CNTN6: variants seen among roughly 807,000 people sequenced by gnomAD.
The protein encoded by CNTN6 is contactin-6.
A neutral mutation model predicts 122.8 loss-of-function variants in CNTN6; 137 were observed. The observed-to-expected ratio is 1.12, with a 90% CI of 0.97 to 1.29. The LOEUF is 1.29. Among genes scored for constraint, CNTN6 ranks in the 50% most tolerant of loss-of-function variants. CNTN6 has a pLI of 0.00. For synonymous variants in CNTN6, 570 were observed against 426.0 expected (o/e 1.34, Z -4.16); for missense variants, 1,634 against 1,223.4 (o/e 1.34, Z -5.01).
chr3:1,217,662 A>C (rs1447734479), intron 2 of CNTN6, among the ~76,000 whole-genome samples: 2 of 152,226 alleles, frequency 1.3e-5, no homozygotes, highest in Non-Finnish European at 2.9e-5. Flanking sequence ...GAACAGTTTT[A>C]GTCCTTTAAA....
intron 7 of CNTN6, among the ~76,000 whole-genome samples, chr3:1,321,050 G>A (rs1380526297): frequency 6.6e-6 from 1 of 151,340 alleles, no homozygotes; most frequent in Non-Finnish European, 1.5e-5. Context: ...GGATCATAGA[G>A]CCTATTTACC....
intron 12 of CNTN6, among the ~76,000 whole-genome samples, chr3:1,357,739 G>A (rs1017853273): frequency 2.0e-5 from 3 of 151,622 alleles, no homozygotes; most frequent in Non-Finnish European, 2.9e-5. Flanking sequence ...CCTAAATACC[G>A]CAGCCTTCAT....
intron 9 of CNTN6, among the ~76,000 whole-genome samples, chr3:1,326,374 A>G (rs1701543589): frequency 6.6e-6 from 1 of 151,844 alleles, no homozygotes; most frequent in South Asian, 2.1e-4. Flanking sequence ...AATGAAGAAA[A>G]TGAGTTTCAA....
chr3:1,373,537 C>A, intron 14 of CNTN6, 67 bp from the exon 15 acceptor site: 4 of 1,464,948 alleles, frequency 2.7e-6, no homozygotes, highest in South Asian at 2.6e-5. Context: ...AAAAATAAAC[C>A]ATCCTAGTAC....
At chr3:1,296,708 A>G (rs1373480190) in intron 6 of CNTN6, among the ~76,000 whole-genome samples, 6 of 152,158 alleles carry the variant, frequency 3.9e-5, no homozygotes, top group African/African-American at 1.2e-4. Context: ...AACCACCCAA[A>G]TGTATTTGCA....
At chr3:1,301,899 C>G (rs942874677) in intron 7 of CNTN6, among the ~76,000 whole-genome samples, 3 of 152,110 alleles carry the variant, frequency 2.0e-5, no homozygotes, top group Non-Finnish European at 4.4e-5. Context: ...ATATGCTTGC[C>G]AATAGTTTTC....
intron 4 of CNTN6, among the ~76,000 whole-genome samples, chr3:1,235,686 C>T (rs1187646930): frequency 6.6e-6 from 1 of 152,014 alleles, no homozygotes; most frequent in East Asian, 1.9e-4. Context: ...CAGGAACATA[C>T]CAGGAAAGCC....
rs112153416 is a variant in CNTN6 at position 1,356,529 on chromosome 3, G to C, written c.1492+4078G>C. Among the ~76,000 whole-genome samples, 842 of 151,902 alleles carry C rather than the reference G, an allele frequency of 5.5e-3. 7 individuals are homozygous for C. Among genetic ancestry groups the C allele is most frequent in the Non-Finnish European group, 7.8e-3 (528 of 67,858 alleles). ...GATAATTGGAGGCTTCGTGGCTCTA[G>C]AAGGCAGTTTGAAGGATTTGAGGTA... is the stretch of plus-strand genomic sequence containing the variant. On this transcript the variant is annotated intron_variant, in intron 12 of 22. Transcript: ENST00000446702.
At chr3:1,334,685 G>A (rs1702795798) in intron 11 of CNTN6, among the ~76,000 whole-genome samples, 1 of 152,000 alleles carries the variant, frequency 6.6e-6, no homozygotes, top group African/African-American at 2.4e-5. Context: ...TTTACAGAGA[G>A]CCCTATCAGC....
intron 2 of CNTN6, among the ~76,000 whole-genome samples, chr3:1,158,823 CATATATATACACACACAT>C (rs1248571465): frequency 1.8e-4 from 5 of 27,104 alleles, no homozygotes; most frequent in Non-Finnish European, 3.7e-4. Flanking sequence ...TATACACACA[CATATATATACACACACAT>C]ATATATACAT....
intron 4 of CNTN6, among the ~76,000 whole-genome samples, chr3:1,236,481 A>G (rs930894328): frequency 6.9e-6 from 1 of 144,654 alleles, no homozygotes; most frequent in African/African-American, 2.9e-5. Flanking sequence ...AGAAAAGCAA[A>G]GCAATCACTA....
intron 2 of CNTN6, among the ~76,000 whole-genome samples, chr3:1,214,298 TGTC>T (rs1277348934): frequency 4.6e-5 from 6 of 131,088 alleles, no homozygotes; most frequent in African/African-American, 1.8e-4. Flanking sequence ...GTTTGTTGGA[TGTC>T]TTTTTTTTTT....
chr3:1,150,375 T>A (rs1240480260), intron 2 of CNTN6, among the ~76,000 whole-genome samples: 1 of 152,196 alleles, frequency 6.6e-6, no homozygotes, highest in African/African-American at 2.4e-5. Context: ...ATAATTTTTC[T>A]AACAGGTTGA....
intron 7 of CNTN6, among the ~76,000 whole-genome samples, chr3:1,301,678 A>G (rs1575613335): frequency 6.6e-6 from 1 of 152,198 alleles, no homozygotes; most frequent in South Asian, 2.1e-4. Context: ...TTAATATAGA[A>G]TTGAAATACC....
intron 1 of CNTN6, among the ~76,000 whole-genome samples, chr3:1,139,148 A>G (rs116166648): frequency 0.016 from 2,425 of 152,274 alleles, 42 homozygotes; most frequent in Non-Finnish European, 0.018. Flanking sequence ...GAGTAAGACT[A>G]GTTTTGCATT....
intron 1 of CNTN6, among the ~76,000 whole-genome samples, chr3:1,136,014 C>T (rs754251101): frequency 1.8e-4 from 28 of 152,042 alleles, no homozygotes; most frequent in Non-Finnish European, 3.5e-4. Flanking sequence ...GTTATGCCAT[C>T]GTGTGTGGTT....
intron 2 of CNTN6, among the ~76,000 whole-genome samples, chr3:1,199,058 A>T (rs2093821150): frequency 6.6e-6 from 1 of 152,018 alleles, no homozygotes; most frequent in Non-Finnish European, 1.5e-5. Context: ...ACCAAAAGAA[A>T]CCAGAACGTC....
chr3:1,364,813 T>C (rs550463972), intron 12 of CNTN6, among the ~76,000 whole-genome samples: 1 of 152,124 alleles, frequency 6.6e-6, no homozygotes, highest in Admixed American at 6.5e-5. Flanking sequence ...AGGCTATTCA[T>C]CAAAAGCGTC....
chr3:1,269,721 C>T (rs2094990495), intron 4 of CNTN6, among the ~76,000 whole-genome samples: 1 of 152,074 alleles, frequency 6.6e-6, no homozygotes, highest in Non-Finnish European at 1.5e-5. Flanking sequence ...GTTTACCTCC[C>T]TGAAAACTTA....
Sources: gnomAD v4.1 joint callset for allele counts (sites outside exome capture counted in the v4.1 genomes callset) on GRCh38, gnomAD v4.1.1 for gene constraint, MANE v1.5 for transcripts, NCBI Gene and HGNC (gene_info 2026-07-23, HGNC 2026-07-21) for gene names.